SCD5: variants seen among roughly 807,000 people sequenced by gnomAD.
SCD5 encodes the protein acyl-CoA-desaturase 4.
SCD5 carries 20 observed loss-of-function variants against 30.4 expected under a neutral mutation model. The observed-to-expected ratio is 0.66, with a 90% CI of 0.46 to 0.96. The LOEUF (loss-of-function observed/expected upper bound fraction) is 0.96, where lower values mean the gene tolerates loss of function less well. Among genes scored for constraint, SCD5 ranks in the 40% least tolerant of loss-of-function variants. The pLI, the probability that SCD5 is intolerant of heterozygous loss-of-function variation, is 0.00. For missense variants in SCD5, 381 were observed against 443.3 expected (o/e 0.86, Z 1.26); for synonymous variants, 173 against 176.4 (o/e 0.98, Z 0.16).
chr4:82,649,489 A>AT (rs1405769071), intron 3 of SCD5, among the ~76,000 whole-genome samples: 1 of 151,932 alleles, frequency 6.6e-6, no homozygotes, highest in Non-Finnish European at 1.5e-5. Flanking sequence ...AGCAGCAAAC[A>AT]TTTTTCAGAG....
At chr4:82,780,039 G>C (rs1053851478) in intron 1 of SCD5, among the ~76,000 whole-genome samples, 1 of 152,182 alleles carries the variant, frequency 6.6e-6, no homozygotes, top group Non-Finnish European at 1.5e-5. Context: ...ACTTCATAGA[G>C]TTACTATGTG....
At chr4:82,694,124 T>C (rs1174034877) in intron 2 of SCD5, among the ~76,000 whole-genome samples, 3 of 152,220 alleles carry the variant, frequency 2.0e-5, no homozygotes, top group Non-Finnish European at 4.4e-5. Context: ...CTCTGTACAC[T>C]GTCCACCCAG....
chr4:82,679,751 G>C (rs369303417), intron 3 of SCD5, among the ~76,000 whole-genome samples: 15 of 152,122 alleles, frequency 9.9e-5, no homozygotes, highest in African/African-American at 3.4e-4. Context: ...AGAGGCTTTG[G>C]GGGGAAAGAG....
At chr4:82,691,527 G>A (rs533990251) in intron 2 of SCD5, among the ~76,000 whole-genome samples, 4 of 152,070 alleles carry the variant, frequency 2.6e-5, no homozygotes, top group Non-Finnish European at 5.9e-5. Flanking sequence ...CTATAATAAA[G>A]AATATATCTG....
In SCD5 at chr4:82,798,610, G is replaced by A; in HGVS notation, c.-73C>T. 1.8e-5 allele frequency: 24 copies of A among 1,353,052 alleles called. No homozygotes were observed. The highest frequency in any genetic ancestry group is 1.9e-5 in the Non-Finnish European group (19 of 1,011,952). The allele number at this position is 1,353,052 out of a possible 1,614,324, so 83.8% of individuals were successfully genotyped here. ...CTGCCCGAGCGGAGCTCGAGGGTGG[G>A]GGCGGGGGCTTCTGCCTTTTAGGGG... On this transcript the variant is annotated 5_prime_UTR_variant, in exon 1 of 5. Transcript: ENST00000319540.
chr4:82,679,832 ATT>A (rs1728530762), intron 3 of SCD5, among the ~76,000 whole-genome samples: 1 of 152,128 alleles, frequency 6.6e-6, no homozygotes, highest in Admixed American at 6.5e-5. Context: ...CTCCATGTCC[ATT>A]TTCAGTCTGA....
chr4:82,683,435 G>T (rs1728622949), intron 2 of SCD5, among the ~76,000 whole-genome samples: 2 of 152,180 alleles, frequency 1.3e-5, no homozygotes, highest in Non-Finnish European at 2.9e-5. Context: ...CAAAATTAAA[G>T]CTTAGAGGAC....
chr4:82,774,088 C>CAA (rs61709785), intron 1 of SCD5, among the ~76,000 whole-genome samples: 3 of 91,534 alleles, frequency 3.3e-5, no homozygotes, highest in Non-Finnish European at 4.7e-5. Context: ...GACTCCATCT[C>CAA]AAAAAAAAAA....
intron 2 of SCD5, among the ~76,000 whole-genome samples, chr4:82,689,246 A>G (rs1319290035): frequency 1.3e-5 from 2 of 152,222 alleles, no homozygotes; most frequent in Non-Finnish European, 2.9e-5. Context: ...GAAGTGCTTA[A>G]AAAATGATGG....
chr4:82,720,057 G>A (rs1280418724), intron 1 of SCD5, among the ~76,000 whole-genome samples: 1 of 149,232 alleles, frequency 6.7e-6, no homozygotes, highest in Non-Finnish European at 1.5e-5. Context: ...TATGGAGAAG[G>A]GGCCTACAAA....
intron 2 of SCD5, among the ~76,000 whole-genome samples, chr4:82,681,211 TG>T (rs1728565587): frequency 6.6e-6 from 1 of 152,050 alleles, no homozygotes; most frequent in South Asian, 2.1e-4. Context: ...AAAGCTCTGG[TG>T]GGGGCGACTG....
At chr4:82,671,038 G>T (rs1402743402) in intron 3 of SCD5, among the ~76,000 whole-genome samples, 3 of 152,028 alleles carry the variant, frequency 2.0e-5, no homozygotes, top group Non-Finnish European at 4.4e-5. Context: ...AAAACTAAAC[G>T]AATGGAGAAA....
At chr4:82,699,882 G>A (rs1483424714) in intron 2 of SCD5, among the ~76,000 whole-genome samples, 2 of 151,546 alleles carry the variant, frequency 1.3e-5, no homozygotes, top group Admixed American at 6.6e-5. Context: ...GGATGGTCTC[G>A]ATCTCTTGAC....
intron 3 of SCD5, among the ~76,000 whole-genome samples, chr4:82,668,030 T>C (rs1285086744): frequency 1.3e-5 from 2 of 152,140 alleles, no homozygotes; most frequent in African/African-American, 4.8e-5. Context: ...GAGGACAAAA[T>C]TCCTCACTTC....
At chr4:82,658,198 T>A (rs1727905332) in intron 3 of SCD5, among the ~76,000 whole-genome samples, 1 of 152,194 alleles carries the variant, frequency 6.6e-6, no homozygotes, top group Admixed American at 6.5e-5. Flanking sequence ...TGCTTCCAAC[T>A]TTTGCCCATT....
At chr4:82,686,600 T>C (rs897273856) in intron 2 of SCD5, among the ~76,000 whole-genome samples, 5 of 152,236 alleles carry the variant, frequency 3.3e-5, no homozygotes, top group Non-Finnish European at 7.3e-5. Context: ...TTTGATTAAA[T>C]ATTTTGTGAT....
chr4:82,798,466 G>C lies in SCD5; in HGVS notation c.72C>G (p.Leu24=), dbSNP rs551454660. The C allele has an allele frequency of 8.7e-5, 141 of 1,612,870 alleles. 1 individual carries two copies. In the South Asian group the frequency reaches 1.5e-3, roughly 17 times the overall value. The change falls in exon 1 of 5, where the codon CTC becomes CTG. Residue 24 remains leucine, a synonymous_variant. Coordinates refer to ENST00000319540, the MANE Select transcript of SCD5 (RefSeq NM_001037582.3). ...GGCCGCCGCCGCCCTCAGAGCTTTC[G>C]AGCCCGGCACGGATTTCTTCCTTGG... ...CDAKEEIRAG[L]ESSEGGGGPE... is the part of the protein sequence containing the mutation.
chr4:82,751,611 C>T (rs1206509414), intron 1 of SCD5, among the ~76,000 whole-genome samples: 1 of 151,884 alleles, frequency 6.6e-6, no homozygotes, highest in Non-Finnish European at 1.5e-5. Flanking sequence ...TCTTTTGAAT[C>T]TTTTACTTTT....
chr4:82,665,063 T>A (rs2868392), intron 3 of SCD5, among the ~76,000 whole-genome samples: 1 of 49,234 alleles, frequency 2.0e-5, no homozygotes, highest in Non-Finnish European at 3.7e-5. Context: ...CACACACACA[T>A]ATATATATAT....
Sources: gnomAD v4.1 joint callset for allele counts (sites outside exome capture counted in the v4.1 genomes callset) on GRCh38, gnomAD v4.1.1 for gene constraint, MANE v1.5 for transcripts, NCBI Gene and HGNC (gene_info 2026-07-23, HGNC 2026-07-21) for gene names.